Variants in DMD observed in about 807,000 individuals in gnomAD.
DMD encodes mutant dystrophin.
In DMD, 63 loss-of-function variants were observed where a neutral mutation model predicts 330.1. The ratio of observed to expected loss-of-function variants is 0.19; its 90% confidence interval spans 0.16 to 0.24. The LOEUF is 0.24. Ranked by LOEUF, DMD falls within the 10% of genes least tolerant of loss-of-function variation. DMD has a pLI of 1.00. For synonymous variants in DMD, 1,223 were observed against 959.8 expected, an observed-to-expected ratio of 1.27 and a Z score of -5.07; for missense variants, 3,344 against 2,684.1, an observed-to-expected ratio of 1.25 and a Z score of -5.43.
At chrX:32,249,744 G>T (rs1292540789) in intron 43 of DMD, among the ~76,000 whole-genome samples, 1 of 111,321 alleles carries the variant, frequency 9.0e-6, no homozygotes, top group East Asian at 2.8e-4. Flanking sequence ...CAAAATGAAG[G>T]CAACCTTTAT....
chrX:32,648,783 C>T (rs1343846205), intron 9 of DMD, among the ~76,000 whole-genome samples: 1 of 111,950 alleles, frequency 8.9e-6, no homozygotes, highest in Non-Finnish European at 1.9e-5. Flanking sequence ...GTGGCTTATG[C>T]TTTGTTTCAG....
intron 74 of DMD, among the ~76,000 whole-genome samples, chrX:31,156,441 G>A (rs2038126135): frequency 1.8e-5 from 2 of 112,251 alleles, no homozygotes; most frequent in East Asian, 2.8e-4. Context: ...TTTTTGACAC[G>A]CTGCCTTTGT....
At chrX:33,280,757 A>G (rs2053317312) in intron 1 of DMD, among the ~76,000 whole-genome samples, 1 of 111,822 alleles carries the variant, frequency 8.9e-6, no homozygotes, top group Non-Finnish European at 1.9e-5. Flanking sequence ...TTGTGGATCT[A>G]TTTCTGGGCT....
intron 1 of DMD, among the ~76,000 whole-genome samples, chrX:33,068,216 T>C (rs2148134879): frequency 8.9e-6 from 1 of 112,276 alleles, no homozygotes; most frequent in Non-Finnish European, 1.9e-5. Flanking sequence ...GAATCTGCAT[T>C]TTTAATAAGC....
intron 55 of DMD, among the ~76,000 whole-genome samples, chrX:31,580,041 T>C (rs975978917): frequency 8.9e-6 from 1 of 111,902 alleles, no homozygotes; most frequent in Non-Finnish European, 1.9e-5. Flanking sequence ...ACTCTCCTGC[T>C]TCCATTTTCA....
At chrX:31,370,098 C>CAAAAAAAAAAAAAA (rs59989996) in intron 60 of DMD, among the ~76,000 whole-genome samples, 11 of 59,319 alleles carry the variant, frequency 1.9e-4, no homozygotes, top group African/African-American at 8.7e-4. Context: ...GGCTCCGTCT[C>CAAAAAAAAAAAAAA]AAAAAAAAAA....
intron 54 of DMD, among the ~76,000 whole-genome samples, chrX:31,639,181 A>C (rs2079586330): frequency 9.0e-6 from 1 of 111,668 alleles, no homozygotes; most frequent in Admixed American, 9.5e-5. Flanking sequence ...ACAGACCACA[A>C]AAAAAAGAGG....
At chrX:32,580,951 C>T (rs2053590780) in intron 13 of DMD, among the ~76,000 whole-genome samples, 4 of 110,787 alleles carry the variant, frequency 3.6e-5, no homozygotes, top group South Asian at 3.9e-4. Flanking sequence ...CTCAGTTTCC[C>T]AAGTAGCTGG....
intron 41 of DMD, among the ~76,000 whole-genome samples, chrX:32,336,303 A>G (rs1208467606): frequency 1.8e-5 from 2 of 111,675 alleles, no homozygotes; most frequent in East Asian, 2.8e-4. Context: ...GTTGTGAGCC[A>G]CCACGCCCAG....
intron 52 of DMD, among the ~76,000 whole-genome samples, chrX:31,711,888 C>T (rs1603450380): frequency 9.0e-6 from 1 of 111,192 alleles, no homozygotes. Flanking sequence ...TTCTTTTCCT[C>T]ATCTGTAAGA....
intron 44 of DMD, among the ~76,000 whole-genome samples, chrX:32,164,890 C>T (rs770447637): frequency 3.6e-5 from 4 of 111,770 alleles, no homozygotes; most frequent in South Asian, 3.8e-4. Context: ...AGGTACAGTT[C>T]GGACCATTGC....
intron 59 of DMD, among the ~76,000 whole-genome samples, chrX:31,471,310 T>A (rs896322579): frequency 2.7e-5 from 3 of 112,112 alleles, no homozygotes; most frequent in African/African-American, 9.7e-5. Flanking sequence ...CTGGTCTGCA[T>A]GTTGCGGAGG....
intron 60 of DMD, among the ~76,000 whole-genome samples, chrX:31,409,786 T>G (rs906910610): frequency 1.1e-4 from 12 of 111,703 alleles, no homozygotes; most frequent in African/African-American, 3.3e-4. Flanking sequence ...CCAGATGGTT[T>G]GAAGTTCTTA....
chrX:31,528,961 A>C (rs946233252), intron 55 of DMD, among the ~76,000 whole-genome samples: 50 of 111,210 alleles, frequency 4.5e-4, no homozygotes, highest in Non-Finnish European at 1.3e-4. Flanking sequence ...CATGACTCTT[A>C]TCTCTACAAT....
At chrX:32,990,562 G>A (rs974705913) in intron 2 of DMD, among the ~76,000 whole-genome samples, 1 of 111,944 alleles carries the variant, frequency 8.9e-6, no homozygotes, top group African/African-American at 3.3e-5. Flanking sequence ...TTTAGAACTT[G>A]TAGATTCTAT....
intron 34 of DMD, among the ~76,000 whole-genome samples, chrX:32,373,869 T>C (rs1360894262): frequency 8.9e-6 from 1 of 111,872 alleles, no homozygotes; most frequent in Non-Finnish European, 1.9e-5. Context: ...TTAATCCTCA[T>C]ATTGAGGATC....
intron 47 of DMD, among the ~76,000 whole-genome samples, chrX:31,911,750 C>T (rs1046157185): frequency 1.8e-5 from 2 of 111,080 alleles, no homozygotes; most frequent in Non-Finnish European, 3.8e-5. Context: ...AGATGAGGGG[C>T]GTAGTGGCTG....
intron 47 of DMD, among the ~76,000 whole-genome samples, chrX:31,893,990 A>G (rs1429990443): frequency 9.0e-6 from 1 of 111,564 alleles, no homozygotes; most frequent in African/African-American, 3.3e-5. Flanking sequence ...CTGAGCTTCA[A>G]GAAGACAAAG....
At chrX:32,157,801 T>G (rs2147230991) in intron 44 of DMD, among the ~76,000 whole-genome samples, 1 of 112,012 alleles carries the variant, frequency 8.9e-6, no homozygotes, top group East Asian at 2.8e-4. Flanking sequence ...AATGGTGTGG[T>G]CTGCATCATG....
Sources: gnomAD v4.1 joint callset for allele counts (sites outside exome capture counted in the v4.1 genomes callset) on GRCh38, gnomAD v4.1.1 for gene constraint, MANE v1.5 for transcripts, NCBI Gene and HGNC (gene_info 2026-07-23, HGNC 2026-07-21) for gene names.